The following EIPR1 variants were observed in gnomAD, a reference collection of about 807,000 sequenced individuals.
EIPR1 encodes EARP and GARP complex-interacting protein 1.
A neutral mutation model predicts 48.1 loss-of-function variants in EIPR1; 25 were observed. The observed-to-expected ratio is 0.52, with a 90% CI of 0.38 to 0.73. The LOEUF (loss-of-function observed/expected upper bound fraction) is 0.73. Ranked by LOEUF, EIPR1 falls within the 30% of genes least tolerant of loss-of-function variation. The probability of loss-of-function intolerance (pLI) is 0.00; values close to 1 mark genes in which losing one functional copy is unlikely to be tolerated. For synonymous variants in EIPR1, 204 were observed against 201.9 expected (o/e 1.01, Z -0.09); for missense variants, 415 against 506.2 (o/e 0.82, Z 1.73).
intron 2 of EIPR1, among the ~76,000 whole-genome samples, chr2:3,350,960 AAAC>A (rs1183668614): frequency 2.6e-5 from 4 of 151,316 alleles, no homozygotes; most frequent in Admixed American, 1.3e-4. Context: ...AAAAAAAAAA[AAAC>A]AAATTAAGGT....
At chr2:3,308,725 T>C (rs1007072957) in intron 3 of EIPR1, among the ~76,000 whole-genome samples, 5 of 152,208 alleles carry the variant, frequency 3.3e-5, no homozygotes, top group African/African-American at 4.8e-5. Flanking sequence ...ATTAGACTTC[T>C]GAAAACTAAA....
Position 3,299,386 on chromosome 2 carries a change from T to C in EIPR1, c.259+38631A>G, listed in dbSNP as rs934291650. Among the ~76,000 whole-genome samples, 2 of 152,042 alleles carry C rather than the reference T, an allele frequency of 1.3e-5. 1 individual carries two copies. Among genetic ancestry groups the C allele is most frequent in the African/African-American group, 4.8e-5 (2 of 41,412 alleles). ...CAGCTCATTGTCCCAGCGACTCTGC[T>C]TGGGGCTCTGCTGATGGCATTCTGA... On this transcript the variant is annotated intron_variant, in intron 3 of 8. Coordinates refer to ENST00000382125, the MANE Select transcript of EIPR1 (RefSeq NM_003310.5).
At chr2:3,311,201 T>TTC (rs1395749444) in intron 3 of EIPR1, among the ~76,000 whole-genome samples, 3 of 152,178 alleles carry the variant, frequency 2.0e-5, no homozygotes, top group Non-Finnish European at 4.4e-5. Flanking sequence ...TGCCTCCACC[T>TTC]TCTAAGCTTT....
At chr2:3,314,039 C>G (rs990818658) in intron 3 of EIPR1, among the ~76,000 whole-genome samples, 1 of 152,186 alleles carries the variant, frequency 6.6e-6, no homozygotes, top group African/African-American at 2.4e-5. Flanking sequence ...CACGCTAGCT[C>G]CCCGGAGAGC....
intron 3 of EIPR1, among the ~76,000 whole-genome samples, chr2:3,318,134 G>A (rs984608018): frequency 2.6e-5 from 4 of 152,254 alleles, no homozygotes; most frequent in African/African-American, 9.6e-5. Context: ...CTGCCATGTC[G>A]AAACGGCTGT....
chr2:3,227,681 C>T (rs976697697), intron 4 of EIPR1, among the ~76,000 whole-genome samples: 1 of 152,238 alleles, frequency 6.6e-6, no homozygotes, highest in African/African-American at 2.4e-5. Context: ...CCATCACAGG[C>T]CCAGAGGCCT....
chr2:3,233,700 C>A (rs766912016), intron 4 of EIPR1, among the ~76,000 whole-genome samples: 2 of 152,228 alleles, frequency 1.3e-5, no homozygotes, highest in Non-Finnish European at 2.9e-5. Context: ...TCATTCATTG[C>A]ATCTATTTTG....
chr2:3,372,668 A>C (rs1210546487), intron 1 of EIPR1, among the ~76,000 whole-genome samples: 3 of 152,202 alleles, frequency 2.0e-5, no homozygotes, highest in Non-Finnish European at 4.4e-5. Context: ...CACTCTCCCA[A>C]GACTAAACCA....
intron 3 of EIPR1, among the ~76,000 whole-genome samples, chr2:3,269,894 G>A (rs1473314777): frequency 3.3e-5 from 5 of 152,328 alleles, no homozygotes; most frequent in South Asian, 2.1e-4. Context: ...TCCCCAGCAC[G>A]CGAATGAAGA....
chr2:3,299,161 C>G (rs977120282), intron 3 of EIPR1, among the ~76,000 whole-genome samples: 4 of 152,228 alleles, frequency 2.6e-5, no homozygotes, highest in African/African-American at 9.6e-5. Flanking sequence ...CAAGATTCAT[C>G]ACAAGTCCTA....
At chr2:3,311,191 T>G (rs1301285782) in intron 3 of EIPR1, among the ~76,000 whole-genome samples, 1 of 152,150 alleles carries the variant, frequency 6.6e-6, no homozygotes, top group Non-Finnish European at 1.5e-5. Context: ...TCAACACAAG[T>G]GCCTCCACCT....
intron 3 of EIPR1, among the ~76,000 whole-genome samples, chr2:3,304,813 C>CTCCCATCCAGTTCAGCCCGCCAG (rs1668871177): frequency 9.5e-6 from 1 of 105,746 alleles, no homozygotes; most frequent in Non-Finnish European, 2.1e-5. Flanking sequence ...CAGCCCTCCA[C>CTCCCATCCAGTTCAGCCCGCCAG]TCCCGTCCAG....
Position 3,266,104 on chromosome 2 carries a change from G to T in EIPR1, c.260-8649C>A, listed in dbSNP as rs76697249. ...CACGGGTGTGCTGCCTGCTGGAAGGGATTACCAGGCAAAAGGCTTACAGGA... is the reference window on the plus strand; with the variant it reads ...CACGGGTGTGCTGCCTGCTGGAAGGTATTACCAGGCAAAAGGCTTACAGGA... On this transcript the variant is annotated intron_variant, in intron 3 of 8. Coordinates refer to ENST00000382125, the MANE Select transcript of EIPR1 (RefSeq NM_003310.5). Among the ~76,000 whole-genome samples, 510 of 152,336 alleles carry T rather than the reference G, an allele frequency of 3.3e-3. 1 individual carries two copies. The highest frequency in any genetic ancestry group is 6.8e-3 in the Middle Eastern group (2 of 294).
intron 5 of EIPR1, among the ~76,000 whole-genome samples, chr2:3,209,531 G>A (rs899313980): frequency 2.0e-5 from 3 of 152,190 alleles, no homozygotes; most frequent in Admixed American, 6.5e-5. Flanking sequence ...AACGCACAGC[G>A]ATCAGCCCCC....
chr2:3,294,355 T>C (rs1339766555), intron 3 of EIPR1, among the ~76,000 whole-genome samples: 83 of 90,848 alleles, frequency 9.1e-4, no homozygotes, highest in African/African-American at 3.1e-3. Context: ...TCTGCACACA[T>C]ACACCCTCTA....
At chr2:3,195,127 A>C (rs1664763791) in intron 6 of EIPR1, among the ~76,000 whole-genome samples, 1 of 152,248 alleles carries the variant, frequency 6.6e-6, no homozygotes, top group South Asian at 2.1e-4. Context: ...TGAAGTCATA[A>C]TATCCTGCCT....
At chr2:3,335,077 C>G (rs958808251) in intron 3 of EIPR1, among the ~76,000 whole-genome samples, 16 of 152,330 alleles carry the variant, frequency 1.1e-4, no homozygotes, top group Non-Finnish European at 2.4e-4. Context: ...TCCCAGCGGA[C>G]AGCCAGGAAA....
chr2:3,330,279 T>C (rs1159434184), intron 3 of EIPR1, among the ~76,000 whole-genome samples: 4 of 152,208 alleles, frequency 2.6e-5, no homozygotes, highest in Non-Finnish European at 4.4e-5. Flanking sequence ...TGTGAAAATA[T>C]TTAGAGAGCA....
At chr2:3,214,712 T>C (rs188331250) in intron 4 of EIPR1, among the ~76,000 whole-genome samples, 1 of 152,168 alleles carries the variant, frequency 6.6e-6, no homozygotes, top group Non-Finnish European at 1.5e-5. Flanking sequence ...GAATATCTCA[T>C]GTAACGTATT....
Sources: allele counts gnomAD v4.1 joint callset (sites outside exome capture counted in the v4.1 genomes callset), GRCh38; gene constraint gnomAD v4.1.1; transcripts MANE v1.5; gene names NCBI Gene and HGNC (gene_info 2026-07-23, HGNC 2026-07-21).